The following CNTNAP4 variants were observed in gnomAD, a reference collection of about 807,000 sequenced individuals.
CNTNAP4 encodes the protein contactin-associated protein-like 4.
CNTNAP4 carries 98 observed loss-of-function variants against 148.4 expected under a neutral mutation model. The ratio of observed to expected loss-of-function variants is 0.66; its 90% CI spans 0.56 to 0.78. The LOEUF is 0.78. Ranked by LOEUF, CNTNAP4 falls within the 30% of genes least tolerant of loss-of-function variation. CNTNAP4 has a pLI of 0.00. For missense variants in CNTNAP4, 1,935 were observed against 1,565.6 expected (o/e 1.24, Z -3.98); for synonymous variants, 730 against 565.1 (o/e 1.29, Z -4.14).
chr16:76,461,224 A>G (rs2080948428), intron 8 of CNTNAP4, among the ~76,000 whole-genome samples: 1 of 152,170 alleles, frequency 6.6e-6, no homozygotes, highest in African/African-American at 2.4e-5. Flanking sequence ...TAAAGAAAAC[A>G]TTATTTACAG....
intron 10 of CNTNAP4, among the ~76,000 whole-genome samples, chr16:76,473,111 G>C (rs1373070641): frequency 6.6e-6 from 1 of 152,076 alleles, no homozygotes; most frequent in Non-Finnish European, 1.5e-5. Context: ...CATTGTCATT[G>C]ATTTGAAATG....
intron 17 of CNTNAP4, among the ~76,000 whole-genome samples, chr16:76,532,711 G>A (rs539992187): frequency 6.6e-6 from 1 of 152,256 alleles, no homozygotes; most frequent in South Asian, 2.1e-4. Flanking sequence ...GTGCCAAAGT[G>A]AAAACCAAGA....
intron 3 of CNTNAP4, among the ~76,000 whole-genome samples, chr16:76,368,519 G>T (rs139037590): frequency 0.011 from 1,676 of 152,210 alleles, 25 homozygotes; most frequent in African/African-American, 0.038. Context: ...CATGTCCTTT[G>T]CAGGGACATG....
chr16:76,470,790 A>G (rs2081341715), intron 10 of CNTNAP4, among the ~76,000 whole-genome samples: 1 of 152,172 alleles, frequency 6.6e-6, no homozygotes, highest in Non-Finnish European at 1.5e-5. Context: ...ATAAAGGTGT[A>G]AATACAAATA....
intron 4 of CNTNAP4, among the ~76,000 whole-genome samples, chr16:76,445,005 A>G (rs1196406543): frequency 1.3e-5 from 2 of 152,132 alleles, no homozygotes; most frequent in Non-Finnish European, 2.9e-5. Flanking sequence ...TGAGTACTAA[A>G]TTATTTCCTG....
chr16:76,443,984 A>G (rs1159020432), intron 4 of CNTNAP4, among the ~76,000 whole-genome samples: 1 of 152,226 alleles, frequency 6.6e-6, no homozygotes, highest in African/African-American at 2.4e-5. Flanking sequence ...TTTTCAAAAC[A>G]TAAAAACATA....
rs1158805627 is a variant in CNTNAP4 at position 76,460,753 on chromosome 16, C to CAAAAAAAAA, written c.1334-1190_1334-1182dup. Among the ~76,000 whole-genome samples the CAAAAAAAAA allele has an allele frequency of 7.7e-4, 12 of 15,512 alleles. 1 individual carries two copies. The highest frequency in any genetic ancestry group is 2.4e-3 in the South Asian group (1 of 420). 10.2% of individuals were successfully genotyped at this position (15,512 alleles called of 152,430 possible). A position where few individuals can be genotyped will look rare whatever the true frequency, so the allele number is the denominator to read the frequency against. Reference sequence around the variant, plus strand: ...GGGCGACAGAGCCAGACTCATGTCTCAAAAAAAAAAAAAAAAAAAAATATA... The same window carrying CAAAAAAAAA: ...GGGCGACAGAGCCAGACTCATGTCTCAAAAAAAAAAAAAAAAAAAAAAAAAAAAAATATA... On this transcript the variant is annotated intron_variant, in intron 8 of 23. Coordinates refer to ENST00000611870, the MANE Select transcript of CNTNAP4 (RefSeq NM_033401.5).
At chr16:76,402,292 C>T (rs1184305158) in intron 3 of CNTNAP4, among the ~76,000 whole-genome samples, 1 of 151,614 alleles carries the variant, frequency 6.6e-6, no homozygotes, top group Non-Finnish European at 1.5e-5. Flanking sequence ...GGAATTTAGC[C>T]ATCTCAGGTT....
At chr16:76,337,894 C>T (rs1270987503) in intron 2 of CNTNAP4, among the ~76,000 whole-genome samples, 1 of 152,198 alleles carries the variant, frequency 6.6e-6, no homozygotes, top group Non-Finnish European at 1.5e-5. Flanking sequence ...CTGCCTGACC[C>T]CGCAGGCAGT....
intron 2 of CNTNAP4, among the ~76,000 whole-genome samples, chr16:76,318,839 T>C (rs2144118739): frequency 6.6e-6 from 1 of 151,354 alleles, no homozygotes; most frequent in South Asian, 2.1e-4. Flanking sequence ...TCTCATAATA[T>C]TTCAGTCAGG....
intron 2 of CNTNAP4, among the ~76,000 whole-genome samples, chr16:76,323,106 C>CT (rs1439819764): frequency 2.0e-5 from 3 of 152,066 alleles, no homozygotes; most frequent in Non-Finnish European, 4.4e-5. Flanking sequence ...CTCGGCCTCC[C>CT]TAAGTGCTGA....
chr16:76,554,035 A>C, intron 23 of CNTNAP4, 128 bp downstream of exon 23: 1 of 564,058 alleles, frequency 1.8e-6, no homozygotes, highest in South Asian at 2.4e-5. Flanking sequence ...TCCTGAGGTC[A>C]TTGGGGTGAT....
chr16:76,398,580 C>A (rs529251788), intron 3 of CNTNAP4, among the ~76,000 whole-genome samples: 6 of 152,174 alleles, frequency 3.9e-5, no homozygotes, highest in African/African-American at 1.4e-4. Context: ...ACTGGAGACA[C>A]ATTCACTAGG....
intron 2 of CNTNAP4, among the ~76,000 whole-genome samples, chr16:76,325,471 G>C (rs762509748): frequency 2.4e-4 from 37 of 152,102 alleles, no homozygotes; most frequent in Admixed American, 6.5e-4. Context: ...CCTAGCTATA[G>C]TGGAATTCAG....
At chr16:76,351,978 G>T (rs942469700) in intron 2 of CNTNAP4, among the ~76,000 whole-genome samples, 4 of 152,154 alleles carry the variant, frequency 2.6e-5, no homozygotes, top group African/African-American at 9.7e-5. Flanking sequence ...CTCAATTCCA[G>T]CTTTAGACCA....
At chr16:76,312,702 A>T (rs1311919811) in intron 1 of CNTNAP4, among the ~76,000 whole-genome samples, 1 of 152,320 alleles carries the variant, frequency 6.6e-6, no homozygotes, top group East Asian at 1.9e-4. Context: ...TAGTCATGGT[A>T]TTCTTACATA....
In CNTNAP4 at chr16:76,398,642, G is replaced by A. The variant is rs970346581; in HGVS notation, c.391-28810G>A. On this transcript the variant is annotated intron_variant, in intron 3 of 23. Transcript: ENST00000611870. ...TTTACTACATAACATGAGGGGTGCC[G>A]TCAAAGAGTTATAACAGTGTACACT... Among the ~76,000 whole-genome samples, 8 of 152,194 alleles carry A rather than the reference G, an allele frequency of 5.3e-5. No individual in the cohort carries two copies. In the East Asian group the frequency reaches 5.8e-4, roughly 11 times the overall value.
At chr16:76,395,544 G>A (rs1048500000) in intron 3 of CNTNAP4, among the ~76,000 whole-genome samples, 24 of 152,004 alleles carry the variant, frequency 1.6e-4, no homozygotes, top group African/African-American at 5.5e-4. Context: ...TATTACAGGC[G>A]TGAGCCACCG....
At chr16:76,409,464 A>G (rs554654477) in intron 3 of CNTNAP4, among the ~76,000 whole-genome samples, 23 of 152,116 alleles carry the variant, frequency 1.5e-4, no homozygotes, top group Middle Eastern at 3.4e-3. Context: ...TGATCAACCA[A>G]TCTAAACTGC....
Sources: allele counts gnomAD v4.1 joint callset (sites outside exome capture counted in the v4.1 genomes callset), GRCh38; gene constraint gnomAD v4.1.1; transcripts MANE v1.5; gene names NCBI Gene and HGNC (gene_info 2026-07-23, HGNC 2026-07-21).